Variants in STARD13 observed in about 807,000 individuals in gnomAD.
STARD13 encodes stAR-related lipid transfer protein 13.
Under a neutral mutation model 106.4 loss-of-function variants are expected in STARD13, and 62 were observed. The ratio of observed to expected loss-of-function variants is 0.58; its 90% confidence interval spans 0.48 to 0.72. STARD13 has a LOEUF of 0.72. STARD13 is among the 30% of genes least tolerant of loss of function. The probability of loss-of-function intolerance (pLI) is 0.00; values close to 1 mark genes in which losing one functional copy is unlikely to be tolerated. For missense variants in STARD13, 1,387 were observed against 1,424.0 expected, an observed-to-expected ratio of 0.97 and a Z score of 0.42; for synonymous variants, 565 against 553.0, an observed-to-expected ratio of 1.02 and a Z score of -0.31.
chr13:33,319,011 A>G (rs1193799019), intron 1 of STARD13, among the ~76,000 whole-genome samples: 1 of 152,196 alleles, frequency 6.6e-6, no homozygotes, highest in Admixed American at 6.5e-5. Context: ...GAAGTTAGAC[A>G]CAGAGTTACC....
chr13:33,221,036 C>G (rs921081227), intron 1 of STARD13, among the ~76,000 whole-genome samples: 1 of 151,870 alleles, frequency 6.6e-6, no homozygotes, highest in Non-Finnish European at 1.5e-5. Context: ...GAAGAGTATT[C>G]AGTAGTAGAT....
the STARD13 span, among the ~76,000 whole-genome samples, chr13:33,635,382 G>A: frequency 2.6e-5 from 4 of 152,304 alleles, no homozygotes; most frequent in South Asian, 2.1e-4. Flanking sequence ...TTAGCAGGCC[G>A]GTTGTGGTGG....
chr13:33,675,511 G>T, the STARD13 span, among the ~76,000 whole-genome samples: 1 of 152,158 alleles, frequency 6.6e-6, no homozygotes, highest in African/African-American at 2.4e-5. Flanking sequence ...ATGGGAATAT[G>T]CCCTGGGGAC....
chr13:33,541,922 CAA>C, the STARD13 span, among the ~76,000 whole-genome samples: 4 of 152,106 alleles, frequency 2.6e-5, no homozygotes, highest in African/African-American at 7.2e-5. Context: ...CTCCAAAATT[CAA>C]AAGTGAAAAA....
intron 1 of STARD13, among the ~76,000 whole-genome samples, chr13:33,259,401 G>A (rs1204801165): frequency 1.3e-5 from 2 of 152,136 alleles, no homozygotes; most frequent in Non-Finnish European, 2.9e-5. Flanking sequence ...GAATAAAAAG[G>A]ACCTCTTCAA....
chr13:33,603,041 C>T, the STARD13 span, among the ~76,000 whole-genome samples: 1 of 152,136 alleles, frequency 6.6e-6, no homozygotes, highest in African/African-American at 2.4e-5. Context: ...TTTAAGAGTT[C>T]CTTCCTCAGG....
At chr13:33,545,509 T>C in the STARD13 span, among the ~76,000 whole-genome samples, 1 of 152,246 alleles carries the variant, frequency 6.6e-6, no homozygotes, top group Non-Finnish European at 1.5e-5. Context: ...TTCATATACC[T>C]GCTGTATTTT....
intron 12 of STARD13, 79 bp downstream of exon 12, chr13:33,109,794 C>A: frequency 7.3e-7 from 1 of 1,372,044 alleles, no homozygotes; most frequent in South Asian, 1.2e-5. Context: ...TGGTGGGAGA[C>A]ACCAGGAGAA....
downstream of STARD13, among the ~76,000 whole-genome samples, chr13:33,344,987 C>T (rs182135837): frequency 1.3e-5 from 2 of 152,194 alleles, no homozygotes; most frequent in Non-Finnish European, 2.9e-5. Flanking sequence ...AACGGGTATG[C>T]TTCTGCCTAA....
chr13:33,331,351 C>T (rs7326682), intron 1 of STARD13, among the ~76,000 whole-genome samples: 24,344 of 150,808 alleles, frequency 0.16, 2,577 homozygotes, highest in Non-Finnish European at 0.22. Context: ...TTCTTGTTTT[C>T]TTGTTTTGTT....
chr13:33,146,047 G>T (rs138167514), intron 3 of STARD13, among the ~76,000 whole-genome samples: 1 of 152,114 alleles, frequency 6.6e-6, no homozygotes, highest in African/African-American at 2.4e-5. Flanking sequence ...AAATTAAGCC[G>T]GGTGTGGTGG....
chr13:33,405,403 G>A, the STARD13 span, among the ~76,000 whole-genome samples: 1 of 152,242 alleles, frequency 6.6e-6, no homozygotes. Flanking sequence ...CACAGGGCCT[G>A]CAGGGAGAAG....
rs577354221 is a variant in STARD13, at chr13:33,224,615, T to A, written c.170-56993A>T. ...GATTCATGTAACTTCTACTCACATTTCAGCAGCCAAAGCTAGTCACATAGC... is the reference window on the plus strand; with the variant it reads ...GATTCATGTAACTTCTACTCACATTACAGCAGCCAAAGCTAGTCACATAGC... On this transcript the variant is annotated intron_variant, in intron 1 of 13. Transcript: ENST00000336934. Among the ~76,000 whole-genome samples, 25 of 152,312 alleles carry A rather than the reference T, an allele frequency of 1.6e-4. No individual in the cohort carries two copies. The East Asian group carries it at 4.4e-3, about 27-fold the overall frequency.
At chr13:33,302,857 T>C (rs1008346282) in intron 1 of STARD13, among the ~76,000 whole-genome samples, 14 of 152,232 alleles carry the variant, frequency 9.2e-5, no homozygotes, top group African/African-American at 3.4e-4. Context: ...TTCTGATATA[T>C]TGTTCCTTCT....
chr13:33,355,149 T>TA (rs1305813843), upstream of STARD13: 2 of 152,186 alleles, frequency 1.3e-5, no homozygotes, highest in Non-Finnish European at 2.9e-5. Flanking sequence ...AAGATATATA[T>TA]TTTTTTCTCC....
At chr13:33,140,586 T>C (rs955398962) in intron 4 of STARD13, among the ~76,000 whole-genome samples, 10 of 152,218 alleles carry the variant, frequency 6.6e-5, no homozygotes, top group African/African-American at 2.4e-4. Context: ...AAATCCCAAA[T>C]TGTTTTTAAG....
the STARD13 span, among the ~76,000 whole-genome samples, chr13:33,464,964 T>C: frequency 1.3e-5 from 2 of 152,120 alleles, no homozygotes; most frequent in Non-Finnish European, 2.9e-5. Flanking sequence ...CCTTAGGTTT[T>C]TCCCATCTCC....
chr13:33,248,070 T>C (rs1234278861), intron 1 of STARD13, among the ~76,000 whole-genome samples: 1 of 152,214 alleles, frequency 6.6e-6, no homozygotes, highest in Admixed American at 6.5e-5. Flanking sequence ...ACATTTCTAT[T>C]ATTGTCTTGA....
At chr13:33,266,948 A>T (rs1890926473) in intron 1 of STARD13, among the ~76,000 whole-genome samples, 1 of 152,222 alleles carries the variant, frequency 6.6e-6, no homozygotes, top group Non-Finnish European at 1.5e-5. Context: ...TCTCCAATAG[A>T]AGAGCTGATG....
Sources: gnomAD v4.1 joint callset for allele counts (sites outside exome capture counted in the v4.1 genomes callset) on GRCh38, gnomAD v4.1.1 for gene constraint, MANE v1.5 for transcripts, NCBI Gene and HGNC (gene_info 2026-07-23, HGNC 2026-07-21) for gene names.